ATCAY: variants seen among roughly 807,000 people sequenced by gnomAD.
ATCAY encodes ATCAY kinesin light chain interacting caytaxin, also known as caytaxin.
In ATCAY, 22 loss-of-function variants were observed where a neutral mutation model predicts 47.7. The observed-to-expected ratio is 0.46, with a 90% CI of 0.33 to 0.66. ATCAY has a LOEUF of 0.66. Ranked by LOEUF, ATCAY falls within the 30% of genes least tolerant of loss-of-function variation. ATCAY has a pLI of 0.02. For missense variants in ATCAY, 452 were observed against 515.0 expected, an observed-to-expected ratio of 0.88 and a Z score of 1.18; for synonymous variants, 216 against 207.6, an observed-to-expected ratio of 1.04 and a Z score of -0.35.
intron 2 of ATCAY, among the ~76,000 whole-genome samples, chr19:3,899,119 G>A (rs1467049758): frequency 6.6e-6 from 1 of 152,008 alleles, no homozygotes; most frequent in Non-Finnish European, 1.5e-5. Flanking sequence ...ACAGGAGGAG[G>A]GTGACATCTG....
rs981007614 is a variant in ATCAY, at chr19:3,907,572, T to G, written c.359-162T>G. 2.0e-5 allele frequency among the ~76,000 whole-genome samples: 3 copies of G among 149,682 alleles called. No homozygotes were observed. The highest frequency in any genetic ancestry group is 7.4e-5 in the African/African-American group (3 of 40,506). Reference sequence around the variant, plus strand: ...TTTGAGCCAGGCCTTGAAAGGGGAGTAGGAGAGGAAAATGGGTCAGCAGGG... The same window carrying G: ...TTTGAGCCAGGCCTTGAAAGGGGAGGAGGAGAGGAAAATGGGTCAGCAGGG... On this transcript the variant is annotated intron_variant, in intron 4 of 12. Transcript: ENST00000450849. The surrounding 1 kb of genome is among the most constrained non-coding windows in gnomAD (Gnocchi z 5.1).
rs375170455 is a variant in ATCAY, at chr19:3,885,885, G to C, written c.77+41G>C. 5.2e-6 allele frequency: 8 copies of C among 1,537,450 alleles called. No individual in the cohort carries two copies. The African/African-American group carries it at 1.1e-4, about 21-fold the overall frequency. The stretch of plus-strand genomic sequence containing the variant: ...CCCTGAGTCAACCGTTGGGGGAGCA[G>C]GTGTCTCTCCCAGGTGGGACACAGG... On this transcript the variant is annotated intron_variant, in intron 2 of 12. Transcript: ENST00000450849.
At chr19:3,894,483 CAAAAA>C (rs35274604) in intron 2 of ATCAY, among the ~76,000 whole-genome samples, 3 of 60,864 alleles carry the variant, frequency 4.9e-5, no homozygotes, top group African/African-American at 1.2e-4. Context: ...GACTCCGTCT[CAAAAA>C]AAAAAAAAAA....
At position 3,926,758 on chromosome 19, in the gene ATCAY, G is replaced by GT. The variant is rs1353918016; in HGVS notation, c.*2167dup. On this transcript the variant is annotated 3_prime_UTR_variant, in exon 13 of 13. Coordinates refer to ENST00000450849, the MANE Select transcript of ATCAY (RefSeq NM_033064.5). ...GCAGGTTCCTGTGGAGCCACCGGCTGTGACGGGACACCTCTGGGTCTCAGC... is the reference window on the plus strand; with the variant it reads ...GCAGGTTCCTGTGGAGCCACCGGCTGTTGACGGGACACCTCTGGGTCTCAGC... 6.6e-6 allele frequency: 1 copy of GT among 152,236 alleles called. No homozygotes were observed. The highest frequency in any genetic ancestry group is 1.5e-5 in the Non-Finnish European group (1 of 68,064). The allele number at this position is 152,236 out of a possible 1,614,324, so 9.4% of individuals were successfully genotyped here.
chr19:3,905,408 T>C, intron 3 of ATCAY, 26 bp from the exon 4 acceptor site: 1 of 1,555,676 alleles, frequency 6.4e-7, no homozygotes, highest in Non-Finnish European at 8.7e-7. Context: ...GCAAAGATGT[T>C]TTCCATTTTT....
intron 2 of ATCAY, among the ~76,000 whole-genome samples, chr19:3,889,847 C>T (rs949417399): frequency 7.9e-5 from 12 of 152,096 alleles, no homozygotes; most frequent in South Asian, 2.1e-4. Flanking sequence ...GTGCAAATGG[C>T]GAAGGCAGCA....
Position 3,905,610 on chromosome 19 carries a change from G to T in ATCAY, c.313G>T (p.Asp105Tyr). The change falls in exon 4 of 13, where the codon GAC becomes TAC. Residue 105 changes from aspartate (D) to tyrosine (Y), a missense_variant. Physicochemically the swap from Asp to Tyr is radical, Grantham distance 160 (BLOSUM62 -3). Coordinates refer to ENST00000450849, the MANE Select transcript of ATCAY (RefSeq NM_033064.5). ...VDDIETPDET[D>Y]SLEFLGNGNE... Reference sequence around the variant, plus strand: ...TGACATCGAGACCCCCGATGAGACCGACTCGCTGGAGTTCCTGGGGAATGG... The same window carrying T: ...TGACATCGAGACCCCCGATGAGACCTACTCGCTGGAGTTCCTGGGGAATGG... 1 of 1,613,698 alleles carries T rather than the reference G, an allele frequency of 6.2e-7. No individual in the cohort carries two copies. Among genetic ancestry groups the T allele is most frequent in the African/African-American group, 1.3e-5 (1 of 74,948 alleles).
At chr19:3,917,479 G>A (rs1293940593) in intron 9 of ATCAY, among the ~76,000 whole-genome samples, 1 of 147,694 alleles carries the variant, frequency 6.8e-6, no homozygotes, top group Non-Finnish European at 1.5e-5. Context: ...CAGCTACTCC[G>A]GAGGCTGAGG....
chr19:3,898,932 G>A (rs10420187), intron 2 of ATCAY, among the ~76,000 whole-genome samples: 1,740 of 152,226 alleles, frequency 0.011, 20 homozygotes, highest in African/African-American at 0.034. Flanking sequence ...TGCCCTCCTC[G>A]GCCTCCCAAA....
At chr19:3,912,197 T>G (rs35150273) in intron 8 of ATCAY, among the ~76,000 whole-genome samples, 82,561 of 151,880 alleles carry the variant, frequency 0.54, 23,318 homozygotes, top group East Asian at 0.93. Context: ...TCTTCACCGG[T>G]CGCCATGGCT....
chr19:3,919,169 T>G lies in ATCAY; in HGVS notation c.1073+292T>G, dbSNP rs571909401. On this transcript the variant is annotated intron_variant, in intron 11 of 12. Transcript: ENST00000450849. ...GGCTCACATCTGTAATCCCAGCTAC[T>G]TGGGAGGCCGAGGCAGGAGATTCGC... is the stretch of plus-strand genomic sequence containing the variant. Among the ~76,000 whole-genome samples, 19 of 151,516 alleles carry G rather than the reference T, an allele frequency of 1.3e-4. No homozygotes were observed. In the South Asian group the frequency reaches 4.0e-3, roughly 32 times the overall value.
chr19:3,914,018 C>T (rs2038944895), intron 9 of ATCAY, among the ~76,000 whole-genome samples, 162 bp downstream of exon 9: 1 of 151,828 alleles, frequency 6.6e-6, no homozygotes, highest in African/African-American at 2.4e-5. Flanking sequence ...GGGCGGATCA[C>T]GAGGTCAGGG....
At chr19:3,921,248 C>T (rs558717816) in intron 12 of ATCAY, among the ~76,000 whole-genome samples, 30 of 151,772 alleles carry the variant, frequency 2.0e-4, no homozygotes, top group African/African-American at 7.0e-4. Context: ...CAGCGTCTCA[C>T]GCCTGTAATC....
chr19:3,912,533 A>C (rs1464146683), intron 8 of ATCAY, among the ~76,000 whole-genome samples: 1 of 151,952 alleles, frequency 6.6e-6, no homozygotes, highest in African/African-American at 2.4e-5. Context: ...GATGGTCTCG[A>C]TCTCCTGACT....
chr19:3,921,187 G>C (rs1213462017), intron 12 of ATCAY, among the ~76,000 whole-genome samples: 1 of 152,136 alleles, frequency 6.6e-6, no homozygotes, highest in Non-Finnish European at 1.5e-5. Flanking sequence ...CTCTGCCTCC[G>C]ATTCTCCACC....
intron 1 of ATCAY, among the ~76,000 whole-genome samples, chr19:3,884,286 CTAAATAAA>C (rs113861636): frequency 2.6e-5 from 4 of 151,482 alleles, no homozygotes; most frequent in Admixed American, 1.3e-4. Flanking sequence ...GACCCCGTCT[CTAAATAAA>C]TAAATAAATA....
In ATCAY at chr19:3,903,844, GA is replaced by G. The variant is rs570076245; in HGVS notation, c.136+1311del. On this transcript the variant is annotated intron_variant, in intron 3 of 12. Coordinates refer to ENST00000450849, the MANE Select transcript of ATCAY (RefSeq NM_033064.5). ...CCGGCCGCCTGTCTCTATTTAAAAA[GA>G]AAAAAAAAAAAGGCAGGTCACCGTG... Among the ~76,000 whole-genome samples the G allele has an allele frequency of 4.4e-3, 518 of 118,202 alleles. 2 individuals are homozygous for G. The highest frequency in any genetic ancestry group is 5.2e-3 in the Non-Finnish European group (286 of 55,108). The allele number at this position is 118,202 out of a possible 152,430, so 77.5% of individuals were successfully genotyped here. A position where few individuals can be genotyped will look rare whatever the true frequency, so the allele number is the denominator to read the frequency against.
At chr19:3,892,566 T>G (rs1379254736) in intron 2 of ATCAY, among the ~76,000 whole-genome samples, 2 of 152,160 alleles carry the variant, frequency 1.3e-5, no homozygotes, top group African/African-American at 4.8e-5. Flanking sequence ...CTGCATACCT[T>G]TAGTAGGATT....
At position 3,909,480 on chromosome 19, in the gene ATCAY, G is replaced by A; in HGVS notation, c.648-6G>A. The stretch of plus-strand genomic sequence containing the variant: ...TGGGTCCCTGCCTTCTGTGCCCCGT[G>A]AGCAGGTACGTCATCAGCAGCTTAG... On this transcript the variant is annotated splice_region_variant and splice_polypyrimidine_tract_variant and intron_variant, in intron 6 of 12. Transcript: ENST00000450849. 1 of 1,612,384 alleles carries A rather than the reference G, an allele frequency of 6.2e-7. No homozygotes were observed. The highest frequency in any genetic ancestry group is 8.5e-7 in the Non-Finnish European group (1 of 1,178,756).
Sources: gnomAD v4.1 joint callset for allele counts (sites outside exome capture counted in the v4.1 genomes callset) on GRCh38, gnomAD v4.1.1 for gene constraint, Gnocchi (gnomAD v3.1) non-coding constraint, MANE v1.5 for transcripts, NCBI Gene and HGNC (gene_info 2026-07-23, HGNC 2026-07-21) for gene names.